The following DAB1 variants were observed in gnomAD, a reference collection of about 807,000 sequenced individuals.
DAB1 encodes the protein DAB adaptor protein 1.
A neutral mutation model predicts 64.6 loss-of-function variants in DAB1; 15 were observed. That is an observed-to-expected ratio of 0.23 (90% CI 0.16 to 0.36). DAB1 has a LOEUF of 0.36. Ranked by LOEUF, DAB1 falls within the 10% of genes least tolerant of loss-of-function variation. The pLI, the probability that DAB1 is intolerant of heterozygous loss-of-function variation, is 1.00. For synonymous variants in DAB1, 235 were observed against 251.9 expected, an observed-to-expected ratio of 0.93 and a Z score of 0.64; for missense variants, 596 against 706.7, an observed-to-expected ratio of 0.84 and a Z score of 1.78.
chr1:57,429,042 A>T (rs565417502), upstream of DAB1, among the ~76,000 whole-genome samples: 1 of 151,892 alleles, frequency 6.6e-6, no homozygotes, highest in South Asian at 2.1e-4. Flanking sequence ...CCTCCCAAGT[A>T]TCTTGGGACT....
intron 6 of DAB1, among the ~76,000 whole-genome samples, chr1:57,650,040 C>A (rs930816004): frequency 1.3e-5 from 2 of 152,188 alleles, no homozygotes; most frequent in African/African-American, 4.8e-5. Context: ...TGGGCTCTTG[C>A]CTTGAGATCA....
At chr1:58,357,983 A>G (rs573019259) in intron 3 of DAB1, among the ~76,000 whole-genome samples, 36 of 152,326 alleles carry the variant, frequency 2.4e-4, no homozygotes, top group African/African-American at 8.2e-4. Flanking sequence ...TTGACTGAAG[A>G]TTGCCAAACC....
At chr1:57,854,589 T>C (rs1453666593) in intron 1 of DAB1, among the ~76,000 whole-genome samples, 2 of 152,200 alleles carry the variant, frequency 1.3e-5, no homozygotes, top group Non-Finnish European at 2.9e-5. Context: ...AATCTTGGAT[T>C]TGAGCCCAAG....
chr1:58,390,082 A>G (rs1345812854), intron 3 of DAB1, among the ~76,000 whole-genome samples: 1 of 152,072 alleles, frequency 6.6e-6, no homozygotes, highest in African/African-American at 2.4e-5. Flanking sequence ...ACAGCTCAAT[A>G]TATTTTAGGC....
intron 4 of DAB1, among the ~76,000 whole-genome samples, chr1:57,079,332 A>G (rs1484531672): frequency 6.6e-6 from 1 of 152,066 alleles, no homozygotes; most frequent in East Asian, 1.9e-4. Flanking sequence ...CCCAAAAACA[A>G]GTCCATCTTG....
intron 1 of DAB1, among the ~76,000 whole-genome samples, chr1:57,316,050 G>A (rs554103917): frequency 2.2e-4 from 33 of 152,298 alleles, no homozygotes; most frequent in African/African-American, 7.7e-4. Flanking sequence ...GTAGACAAAA[G>A]CTTAAATTCC....
chr1:57,945,724 G>A (rs1645175303), intron 5 of DAB1, among the ~76,000 whole-genome samples: 1 of 152,168 alleles, frequency 6.6e-6, no homozygotes, highest in African/African-American at 2.4e-5. Flanking sequence ...ATACATACCT[G>A]CATATATACA....
chr1:58,198,862 C>A (rs751446857), intron 4 of DAB1, among the ~76,000 whole-genome samples: 14 of 152,152 alleles, frequency 9.2e-5, no homozygotes, highest in Admixed American at 2.6e-4. Context: ...GTAATCCCAG[C>A]ACTTTGGGAG....
intron 3 of DAB1, among the ~76,000 whole-genome samples, chr1:58,501,705 AC>A (rs370126006): frequency 3.5e-4 from 53 of 151,996 alleles, no homozygotes; most frequent in African/African-American, 1.2e-3. Context: ...CTATTCCTGC[AC>A]CCCTCCCATC....
chr1:57,332,336 TAACCA>T (rs1676741442), intron 1 of DAB1, among the ~76,000 whole-genome samples: 1 of 151,334 alleles, frequency 6.6e-6, no homozygotes, highest in South Asian at 2.1e-4. Flanking sequence ...CTGTTATTCA[TAACCA>T]AACACATGGA....
intron 6 of DAB1, among the ~76,000 whole-genome samples, chr1:57,791,164 G>C (rs888871249): frequency 6.6e-6 from 1 of 152,128 alleles, no homozygotes; most frequent in Non-Finnish European, 1.5e-5. Flanking sequence ...CAAACAGATA[G>C]AAAACTTACA....
intron 1 of DAB1, among the ~76,000 whole-genome samples, chr1:57,421,902 C>CGGGGGGGGGGGGGGGGGGGGGGGG (rs1309675216): frequency 8.5e-5 from 1 of 11,718 alleles, no homozygotes; most frequent in Non-Finnish European, 1.7e-4. Flanking sequence ...TGGGGGGTGG[C>CGGGGGGGGGGGGGGGGGGGGGGGG]GGGGGGGGGG....
At chr1:57,855,289 T>C (rs1265722092) in intron 1 of DAB1, among the ~76,000 whole-genome samples, 1 of 152,250 alleles carries the variant, frequency 6.6e-6, no homozygotes, top group African/African-American at 2.4e-5. Context: ...CCTCATTCAT[T>C]TACTCATTCA....
intron 7 of DAB1, among the ~76,000 whole-genome samples, chr1:57,552,372 C>T (rs183260655): frequency 1.5e-3 from 230 of 152,264 alleles, no homozygotes; most frequent in Middle Eastern, 6.8e-3. Flanking sequence ...TCAATTAACT[C>T]ACTGTCCAGG....
Position 57,011,207 on chromosome 1 carries a change from T to A in DAB1, c.1510A>T (p.Thr504Ser). Residue 504 changes from threonine (T) to serine (S), a missense_variant, in exon 13 of 15, where the codon ACC (threonine) becomes TCC (serine). By Grantham distance (58) the Thr-to-Ser change is moderately conservative. Around this residue, in one of 3 missense-constraint regions of DAB1, gnomAD observed 377 missense variants for 400.4 expected, o/e 0.94. Transcript: ENST00000371236. ...KSSASHASDP[T>S]TDDIFEEGFE... ...CCCTCTTCAAAGATGTCATCTGTGG[T>A]AGGATCACTGGCATGGGATGCAGAT... 1 of 1,614,062 alleles carries A rather than the reference T, an allele frequency of 6.2e-7. No homozygotes were observed. Among genetic ancestry groups the A allele is most frequent in the Non-Finnish European group, 8.5e-7 (1 of 1,179,918 alleles).
intron 1 of DAB1, among the ~76,000 whole-genome samples, chr1:57,324,322 A>G (rs573720247): frequency 1.3e-5 from 2 of 152,354 alleles, no homozygotes; most frequent in South Asian, 4.1e-4. Context: ...TCTACCAGAT[A>G]TCCTAACTTA....
intron 4 of DAB1, among the ~76,000 whole-genome samples, chr1:57,099,570 G>C (rs1416710272): frequency 1.3e-5 from 2 of 152,152 alleles, no homozygotes; most frequent in African/African-American, 4.8e-5. Flanking sequence ...TAGTACTTCT[G>C]GGGTTCTAGA....
chr1:58,194,772 T>A (rs1036158384), intron 4 of DAB1, among the ~76,000 whole-genome samples: 2 of 152,210 alleles, frequency 1.3e-5, no homozygotes, highest in Non-Finnish European at 2.9e-5. Flanking sequence ...ATGGTGTCAT[T>A]CTAGCTAGCC....
intron 1 of DAB1, among the ~76,000 whole-genome samples, chr1:57,852,993 A>G (rs1252999218): frequency 6.6e-6 from 1 of 152,164 alleles, no homozygotes; most frequent in Non-Finnish European, 1.5e-5. Flanking sequence ...GTGATAATTA[A>G]CTGTTGGAGG....
Sources: gnomAD v4.1 joint callset for allele counts (sites outside exome capture counted in the v4.1 genomes callset) on GRCh38, gnomAD v4.1.1 for gene constraint, gnomAD v4.1.1 regional missense constraint, MANE v1.5 for transcripts, NCBI Gene and HGNC (gene_info 2026-07-23, HGNC 2026-07-21) for gene names.